Variants in PLCB1 observed in about 807,000 individuals in gnomAD.
PLCB1 encodes the protein 1-phosphatidylinositol 4,5-bisphosphate phosphodiesterase beta-1.
A neutral mutation model predicts 161.8 loss-of-function variants in PLCB1; 46 were observed. That is an observed-to-expected ratio of 0.28 (90% CI 0.22 to 0.36). The LOEUF is 0.36. Ranked by LOEUF, PLCB1 falls within the 10% of genes least tolerant of loss-of-function variation. The pLI is 1.00. For missense variants in PLCB1, 1,016 were observed against 1,472.5 expected (o/e 0.69, Z 5.07); for synonymous variants, 517 against 503.7 (o/e 1.03, Z -0.35).
intron 2 of PLCB1, among the ~76,000 whole-genome samples, chr20:8,312,237 G>A (rs565299529): frequency 1.4e-4 from 21 of 151,976 alleles, no homozygotes; most frequent in Admixed American, 9.2e-4. Flanking sequence ...CCCTCTCCCC[G>A]CCTCCTCACG....
intron 2 of PLCB1, among the ~76,000 whole-genome samples, chr20:8,280,623 C>G (rs1433539639): frequency 6.6e-6 from 1 of 152,062 alleles, no homozygotes; most frequent in Non-Finnish European, 1.5e-5. Flanking sequence ...AATATAAAAA[C>G]AAGTGTCTTA....
chr20:8,814,136 A>G (rs1984965178), intron 31 of PLCB1, among the ~76,000 whole-genome samples: 1 of 152,202 alleles, frequency 6.6e-6, no homozygotes, highest in Admixed American at 6.5e-5. Context: ...GATCATTCGT[A>G]TATCTACAGT....
At chr20:8,524,350 A>G (rs1180197721) in intron 3 of PLCB1, among the ~76,000 whole-genome samples, 1 of 152,048 alleles carries the variant, frequency 6.6e-6, no homozygotes, top group Non-Finnish European at 1.5e-5. Context: ...GGGGAACACT[A>G]TGAGTTTTCT....
At chr20:8,592,513 T>C (rs1202318823) in intron 3 of PLCB1, among the ~76,000 whole-genome samples, 2 of 152,210 alleles carry the variant, frequency 1.3e-5, no homozygotes, top group Non-Finnish European at 2.9e-5. Context: ...TTTTATTAAT[T>C]GTTCTGGGCA....
At chr20:8,234,704 G>A (rs1980232539) in intron 2 of PLCB1, among the ~76,000 whole-genome samples, 1 of 151,952 alleles carries the variant, frequency 6.6e-6, no homozygotes, top group Admixed American at 6.6e-5. Context: ...TCTTTGCTTT[G>A]ACTTTGTGGA....
intron 2 of PLCB1, among the ~76,000 whole-genome samples, chr20:8,222,052 G>T (rs779889658): frequency 5.3e-5 from 8 of 152,078 alleles, no homozygotes; most frequent in Non-Finnish European, 8.8e-5. Context: ...GTTCCATAGT[G>T]GTTGTATGCT....
At chr20:8,858,905 G>A (rs960312345) in intron 31 of PLCB1, among the ~76,000 whole-genome samples, 2 of 117,964 alleles carry the variant, frequency 1.7e-5, no homozygotes, top group Middle Eastern at 4.5e-3. Flanking sequence ...CTGGCAATTT[G>A]AGTGTGCAAA....
chr20:8,821,266 G>A (rs1985340119), intron 31 of PLCB1, among the ~76,000 whole-genome samples: 1 of 151,398 alleles, frequency 6.6e-6, no homozygotes. Context: ...GGATCACGAG[G>A]TCAGGAGTTC....
intron 3 of PLCB1, among the ~76,000 whole-genome samples, chr20:8,429,804 C>T (rs777656401): frequency 1.3e-5 from 2 of 151,980 alleles, no homozygotes; most frequent in African/African-American, 4.8e-5. Flanking sequence ...TTTTCAGCTT[C>T]TAATTGAGAT....
At chr20:8,847,003 G>A (rs1986712267) in intron 31 of PLCB1, among the ~76,000 whole-genome samples, 1 of 152,170 alleles carries the variant, frequency 6.6e-6, no homozygotes, top group African/African-American at 2.4e-5. Flanking sequence ...TGGAATCAGA[G>A]GAGCTTTGAG....
intron 3 of PLCB1, among the ~76,000 whole-genome samples, chr20:8,415,336 A>T (rs1979222541): frequency 6.6e-6 from 1 of 152,222 alleles, no homozygotes; most frequent in African/African-American, 2.4e-5. Flanking sequence ...CACCTGAATT[A>T]AAAAATTATC....
intron 3 of PLCB1, among the ~76,000 whole-genome samples, chr20:8,391,798 T>TTGAGGAAGTTCAAGTA (rs1452553410): frequency 2.4e-5 from 3 of 126,568 alleles, no homozygotes; most frequent in Admixed American, 7.6e-5. Flanking sequence ...TATATATATA[T>TTGAGGAAGTTCAAGTA]ATATATATAT....
intron 2 of PLCB1, among the ~76,000 whole-genome samples, chr20:8,180,331 G>C (rs560295480): frequency 2.0e-5 from 3 of 152,148 alleles, no homozygotes; most frequent in Non-Finnish European, 4.4e-5. Flanking sequence ...TTAGCTTTTT[G>C]ATGTACTACT....
chr20:8,200,226 T>C (rs1161898367), intron 2 of PLCB1, among the ~76,000 whole-genome samples: 3 of 152,066 alleles, frequency 2.0e-5, no homozygotes, highest in African/African-American at 7.2e-5. Flanking sequence ...AATATTTTTC[T>C]TCCTGGGTAT....
chr20:8,202,424 G>T (rs906020223), intron 2 of PLCB1, among the ~76,000 whole-genome samples: 1 of 152,088 alleles, frequency 6.6e-6, no homozygotes, highest in Non-Finnish European at 1.5e-5. Context: ...TTTTATTCCT[G>T]TTAATGTTGA....
intron 2 of PLCB1, among the ~76,000 whole-genome samples, chr20:8,294,571 T>C (rs1983541094): frequency 6.6e-6 from 1 of 151,504 alleles, no homozygotes; most frequent in African/African-American, 2.4e-5. Context: ...TGTCTATATG[T>C]ATATGTATCT....
At chr20:8,615,340 T>C (rs771411495) in intron 3 of PLCB1, among the ~76,000 whole-genome samples, 1 of 152,218 alleles carries the variant, frequency 6.6e-6, no homozygotes, top group Non-Finnish European at 1.5e-5. Context: ...TTTTGTTATA[T>C]GTAGAGGACC....
At chr20:8,668,265 G>C (rs1169937051) in intron 9 of PLCB1, among the ~76,000 whole-genome samples, 4 of 152,148 alleles carry the variant, frequency 2.6e-5, no homozygotes, top group African/African-American at 7.2e-5. Context: ...AGTGGACAGT[G>C]ACCAAGGATT....
At chr20:8,532,068 T>C (rs953138764) in intron 3 of PLCB1, among the ~76,000 whole-genome samples, 4 of 152,204 alleles carry the variant, frequency 2.6e-5, no homozygotes, top group Non-Finnish European at 5.9e-5. Context: ...AGGGGCCTAT[T>C]ACCTTCTTCA....
Sources: allele counts gnomAD v4.1 joint callset (sites outside exome capture counted in the v4.1 genomes callset), GRCh38; gene constraint gnomAD v4.1.1; transcripts MANE v1.5; gene names NCBI Gene and HGNC (gene_info 2026-07-23, HGNC 2026-07-21).